The following QTMAN variants were observed in gnomAD, a reference collection of about 807,000 sequenced individuals.
The protein encoded by QTMAN is queuosine-tRNA mannosyltransferase.
chr2:144,131,670 G>A, the QTMAN span, among the ~76,000 whole-genome samples: 1 of 151,780 alleles, frequency 6.6e-6, no homozygotes, highest in Non-Finnish European at 1.5e-5. Context: ...TCACAATTCT[G>A]TGTACCTATA....
chr2:144,328,505 A>C, the QTMAN span, among the ~76,000 whole-genome samples: 1 of 152,224 alleles, frequency 6.6e-6, no homozygotes, highest in African/African-American at 2.4e-5. Flanking sequence ...GAGTACATCC[A>C]AAGGATATAG....
the QTMAN span, among the ~76,000 whole-genome samples, chr2:144,225,407 A>G: frequency 3.3e-5 from 5 of 152,276 alleles, no homozygotes; most frequent in East Asian, 5.8e-4. Context: ...AAATTTATAG[A>G]TATCTTGATG....
chr2:144,048,117 G>T, the QTMAN span, among the ~76,000 whole-genome samples: 1 of 152,168 alleles, frequency 6.6e-6, no homozygotes, highest in South Asian at 2.1e-4. Flanking sequence ...CACCAGATTA[G>T]CTGCTGAAAA....
the QTMAN span, among the ~76,000 whole-genome samples, chr2:143,980,400 C>T: frequency 1.3e-5 from 2 of 152,162 alleles, no homozygotes. Flanking sequence ...TTTACCTATT[C>T]ATGTCTGTTA....
the QTMAN span, among the ~76,000 whole-genome samples, chr2:143,962,232 T>C: frequency 4.3e-4 from 66 of 151,976 alleles, no homozygotes; most frequent in East Asian, 4.1e-3. Flanking sequence ...CATGAAACAA[T>C]AGGAAGGAAA....
At chr2:144,206,637 A>T in the QTMAN span, among the ~76,000 whole-genome samples, 1 of 152,178 alleles carries the variant, frequency 6.6e-6, no homozygotes, top group South Asian at 2.1e-4. Flanking sequence ...GGTGGAGGTT[A>T]TGGCTATCGC....
At chr2:143,997,785 G>A in the QTMAN span, among the ~76,000 whole-genome samples, 1 of 151,768 alleles carries the variant, frequency 6.6e-6, no homozygotes, top group Admixed American at 6.6e-5. Context: ...AGGAAAATAA[G>A]GTTAATTAAC....
the QTMAN span, among the ~76,000 whole-genome samples, chr2:144,250,402 C>CA: frequency 1.3e-5 from 2 of 151,980 alleles, no homozygotes; most frequent in Admixed American, 6.5e-5. Context: ...CTCAGCCTCC[C>CA]AAAGTGCTGA....
chr2:144,196,896 G>C, the QTMAN span, among the ~76,000 whole-genome samples: 76 of 152,276 alleles, frequency 5.0e-4, 1 homozygote, highest in South Asian at 0.013. Context: ...ATAGTGATAA[G>C]TTTGACAAGT....
At chr2:144,280,939 G>C in the QTMAN span, among the ~76,000 whole-genome samples, 2 of 151,430 alleles carry the variant, frequency 1.3e-5, no homozygotes, top group Non-Finnish European at 2.9e-5. Context: ...TTAAGTTTTA[G>C]GGTACATGTG....
At chr2:143,972,501 G>A in the QTMAN span, among the ~76,000 whole-genome samples, 1 of 151,864 alleles carries the variant, frequency 6.6e-6, no homozygotes, top group Admixed American at 6.6e-5. Context: ...TTTGGAGTTG[G>A]GAGGAGGTTT....
chr2:144,090,780 T>C, the QTMAN span, among the ~76,000 whole-genome samples: 2 of 152,074 alleles, frequency 1.3e-5, no homozygotes, highest in African/African-American at 4.8e-5. Flanking sequence ...TCAATTGAGT[T>C]ACCATTTCAA....
the QTMAN span, among the ~76,000 whole-genome samples, chr2:144,305,078 C>A: frequency 1.3e-5 from 2 of 151,970 alleles, no homozygotes; most frequent in Non-Finnish European, 2.9e-5. Context: ...TTGATAGTGT[C>A]TTTTAAAGTA....
At chr2:144,298,967 C>A in the QTMAN span, among the ~76,000 whole-genome samples, 4 of 152,178 alleles carry the variant, frequency 2.6e-5, no homozygotes, top group African/African-American at 4.8e-5. Flanking sequence ...CAGCCCATTA[C>A]TGCTGGGATC....
At chr2:144,131,509 T>G in the QTMAN span, among the ~76,000 whole-genome samples, 3 of 151,926 alleles carry the variant, frequency 2.0e-5, no homozygotes, top group African/African-American at 4.8e-5. Flanking sequence ...GGATACCAAG[T>G]TATCCATGCT....
the QTMAN span, among the ~76,000 whole-genome samples, chr2:143,994,711 G>A: frequency 6.6e-6 from 1 of 152,168 alleles, no homozygotes; most frequent in Non-Finnish European, 1.5e-5. Context: ...AAAGCAAGTA[G>A]ATTAGTGGTT....
At chr2:144,058,812 CCTT>C in the QTMAN span, among the ~76,000 whole-genome samples, 1 of 152,096 alleles carries the variant, frequency 6.6e-6, no homozygotes, top group African/African-American at 2.4e-5. Flanking sequence ...TGCCTTCTTC[CCTT>C]CTTCTTAGCC....
the QTMAN span, among the ~76,000 whole-genome samples, chr2:144,277,582 ATAAGC>A: frequency 3.9e-5 from 6 of 152,200 alleles, no homozygotes; most frequent in East Asian, 1.2e-3. Flanking sequence ...TTTATATACT[ATAAGC>A]TAAATAAACA....
chr2:144,302,268 C>T, the QTMAN span, among the ~76,000 whole-genome samples: 4 of 151,566 alleles, frequency 2.6e-5, no homozygotes, highest in African/African-American at 2.4e-5. Context: ...TATACTCACA[C>T]ATATATGTCT....
Sources: gnomAD v4.1 joint callset for allele counts (sites outside exome capture counted in the v4.1 genomes callset) on GRCh38, gnomAD v4.1.1 for gene constraint, MANE v1.5 for transcripts, NCBI Gene and HGNC (gene_info 2026-07-23, HGNC 2026-07-21) for gene names.